The following KCNK12 variants were observed in gnomAD, a reference collection of about 807,000 sequenced individuals.
KCNK12 encodes potassium two pore domain channel subfamily K member 12.
Under a neutral mutation model 25.3 loss-of-function variants are expected in KCNK12, and 6 were observed. The ratio of observed to expected loss-of-function variants is 0.24; its 90% CI spans 0.13 to 0.47. The LOEUF (loss-of-function observed/expected upper bound fraction) is 0.47. KCNK12 is among the 20% of genes least tolerant of loss of function. The probability of loss-of-function intolerance (pLI) is 0.99; values close to 1 mark genes in which losing one functional copy is unlikely to be tolerated. For synonymous variants in KCNK12, 331 were observed against 311.1 expected (o/e 1.06, Z -0.67); for missense variants, 444 against 661.7 (o/e 0.67, Z 3.61).
intron 1 of KCNK12, chr2:47,563,743 T>G (rs1669732890): frequency 4.3e-6 from 1 of 232,888 alleles, no homozygotes; most frequent in South Asian, 1.8e-4. Flanking sequence ...GTTGACAAAA[T>G]GGTCTACATG....
intron 1 of KCNK12, among the ~76,000 whole-genome samples, chr2:47,530,182 G>T (rs1182340018): frequency 6.6e-6 from 1 of 152,228 alleles, no homozygotes; most frequent in Admixed American, 6.5e-5. Context: ...TCTCCTAACA[G>T]GGAGGAGTGG....
chr2:47,537,325 T>C (rs1257918286), intron 1 of KCNK12, among the ~76,000 whole-genome samples: 2 of 148,822 alleles, frequency 1.3e-5, no homozygotes. Flanking sequence ...TGAAAATGGG[T>C]GATTTTCTTT....
In KCNK12 at chr2:47,512,167, C is replaced by T. The variant is rs1668417750; in HGVS notation, c.*8740G>A. ...TCCAGATGGCTGGTCCTGCTCCTCC[C>T]AGTCCATGGAGAAAAAAGAATTGAA... On this transcript the variant is annotated 3_prime_UTR_variant, in exon 2 of 2. Transcript: ENST00000327876. 1.9e-6 allele frequency: 2 copies of T among 1,067,584 alleles called. No individual in the cohort carries two copies. The highest frequency in any genetic ancestry group is 3.2e-5 in the African/African-American group (2 of 62,442). The allele number at this position is 1,067,584 out of a possible 1,614,324, so 66.1% of individuals were successfully genotyped here. A position where few individuals can be genotyped will look rare whatever the true frequency, so the allele number is the denominator to read the frequency against.
intron 1 of KCNK12, among the ~76,000 whole-genome samples, chr2:47,545,193 T>G (rs535872644): frequency 6.6e-6 from 1 of 152,250 alleles, no homozygotes; most frequent in Non-Finnish European, 1.5e-5. Context: ...GAAGCCTGGA[T>G]GATGAAGGTG....
At position 47,512,663 on chromosome 2, in the gene KCNK12, C is replaced by T; in HGVS notation, c.*8244G>A. On this transcript the variant is annotated 3_prime_UTR_variant, in exon 2 of 2. Transcript: ENST00000327876. ...ATGGGATGATGTGCCCTTGTACACCCACTGCCTCTGAACTCTGCTCTGCAT... is the reference window on the plus strand; with the variant it reads ...ATGGGATGATGTGCCCTTGTACACCTACTGCCTCTGAACTCTGCTCTGCAT... The T allele has an allele frequency of 1.9e-6, 1 of 514,784 alleles. No individual in the cohort carries two copies. Among genetic ancestry groups the T allele is most frequent in the Non-Finnish European group, 3.4e-6 (1 of 290,908 alleles). 31.9% of individuals were successfully genotyped at this position (514,784 alleles called of 1,614,324 possible).
rs1668629424 is a variant in KCNK12 at position 47,520,587 on chromosome 2, G to T, written c.*320C>A. Reference sequence around the variant, plus strand: ...GGCTGCTTCTGTGCATGGGGACGGGGTTTAGTGCCAGTCTGCAAAACCCTC... The same window carrying T: ...GGCTGCTTCTGTGCATGGGGACGGGTTTTAGTGCCAGTCTGCAAAACCCTC... On this transcript the variant is annotated 3_prime_UTR_variant, in exon 2 of 2. Transcript: ENST00000327876. The surrounding 1 kb of genome is among the most constrained non-coding windows in gnomAD (Gnocchi z 5.0). 1.1e-5 allele frequency: 3 copies of T among 261,426 alleles called. No individual in the cohort carries two copies. Among genetic ancestry groups the T allele is most frequent in the Non-Finnish European group, 2.1e-5 (3 of 140,230 alleles). The allele number at this position is 261,426 out of a possible 1,614,324, so 16.2% of individuals were successfully genotyped here.
At position 47,561,169 on chromosome 2, in the gene KCNK12, G is replaced by A. The variant is rs534079283; in HGVS notation, c.391+8772C>T. Among the ~76,000 whole-genome samples the A allele has an allele frequency of 2.0e-5, 3 of 152,256 alleles. No homozygotes were observed. The South Asian group carries it at 6.2e-4, about 32-fold the overall frequency. ...TCCTCCTCAGCCTAAGCACTGCCAAGAGGCCTCAGCACACCTGGAAACAAG... is the reference window on the plus strand; with the variant it reads ...TCCTCCTCAGCCTAAGCACTGCCAAAAGGCCTCAGCACACCTGGAAACAAG... On this transcript the variant is annotated intron_variant, in intron 1 of 1. Transcript: ENST00000327876.
At chr2:47,563,604 G>C in intron 1 of KCNK12, 1 of 233,000 alleles carries the variant, frequency 4.3e-6, no homozygotes, top group East Asian at 6.1e-5. Flanking sequence ...ATGCTCTAGG[G>C]CTCTTCAGAG....
chr2:47,526,711 C>T (rs1341504477), intron 1 of KCNK12, among the ~76,000 whole-genome samples: 2 of 152,056 alleles, frequency 1.3e-5, no homozygotes, highest in Non-Finnish European at 2.9e-5. Flanking sequence ...CCAGCCTGGG[C>T]GACAGAGCGA....
chr2:47,561,303 C>G (rs961207148), intron 1 of KCNK12, among the ~76,000 whole-genome samples: 19 of 152,186 alleles, frequency 1.2e-4, no homozygotes, highest in African/African-American at 4.3e-4. Flanking sequence ...ATTCAGTTAT[C>G]CACCAATTAC....
chr2:47,536,398 T>C (rs1268844231), intron 1 of KCNK12, among the ~76,000 whole-genome samples: 1 of 152,192 alleles, frequency 6.6e-6, no homozygotes, highest in Non-Finnish European at 1.5e-5. Context: ...CTTGCCACCC[T>C]CCAGAATGCA....
intron 1 of KCNK12, among the ~76,000 whole-genome samples, chr2:47,553,804 T>G (rs996742713): frequency 1.3e-5 from 2 of 152,196 alleles, no homozygotes; most frequent in Admixed American, 1.3e-4. Context: ...TCATTGTTCC[T>G]TAACTTGCTT....
At chr2:47,534,515 A>ACC (rs34901455) in intron 1 of KCNK12, among the ~76,000 whole-genome samples, 1,104 of 48,142 alleles carry the variant, frequency 0.023, 45 homozygotes, top group African/African-American at 0.05. Flanking sequence ...GCCCCTTCTA[A>ACC]CCCCCCCCCC....
intron 1 of KCNK12, 64 bp from the exon 2 acceptor site, chr2:47,521,872 T>C: frequency 4.5e-6 from 1 of 224,478 alleles, no homozygotes; most frequent in Non-Finnish European, 6.9e-6. Context: ...TGGGCGAGGG[T>C]GGGGGGTGTG....
At chr2:47,531,440 T>A (rs1399212478) in intron 1 of KCNK12, among the ~76,000 whole-genome samples, 2 of 151,342 alleles carry the variant, frequency 1.3e-5, no homozygotes, top group Non-Finnish European at 2.9e-5. Context: ...ACCCTTGCAC[T>A]CCAGCCTGGG....
chr2:47,541,977 G>A (rs1412331459), intron 1 of KCNK12, among the ~76,000 whole-genome samples: 1 of 152,212 alleles, frequency 6.6e-6, no homozygotes, highest in Non-Finnish European at 1.5e-5. Flanking sequence ...TCTGTTTTCT[G>A]TAGCAGCAGC....
chr2:47,527,529 C>A lies in KCNK12; in HGVS notation c.392-5721G>T, dbSNP rs77536220. The A allele has an allele frequency of 6.9e-3, 1,048 of 152,506 alleles. 5 individuals carry two copies. The highest frequency in any genetic ancestry group is 9.9e-3 in the African/African-American group (411 of 41,580). The allele number at this position is 152,506 out of a possible 1,614,324, so 9.4% of individuals were successfully genotyped here. A position where few individuals can be genotyped will look rare whatever the true frequency, so the allele number is the denominator to read the frequency against. On this transcript the variant is annotated intron_variant, in intron 1 of 1. Transcript: ENST00000327876. Reference sequence around the variant, plus strand: ...TGGGGTACTCATTGGCCTCTTGAGGCCCCCCACAGGCCTGCCCTGCCTGAC... The same window carrying A: ...TGGGGTACTCATTGGCCTCTTGAGGACCCCCACAGGCCTGCCCTGCCTGAC...
intron 1 of KCNK12, among the ~76,000 whole-genome samples, chr2:47,550,619 G>A (rs1187636175): frequency 1.3e-5 from 2 of 151,998 alleles, no homozygotes; most frequent in Non-Finnish European, 2.9e-5. Context: ...CTGACCTCAA[G>A]TGACCCACCC....
In KCNK12 at chr2:47,565,698, A is replaced by C. The variant is rs1186529583; in HGVS notation, c.391+4243T>G. The C allele has an allele frequency of 6.6e-6, 1 of 152,256 alleles. No homozygotes were observed. The highest frequency in any genetic ancestry group is 1.5e-5 in the Non-Finnish European group (1 of 68,050). The allele number at this position is 152,256 out of a possible 1,614,324, so 9.4% of individuals were successfully genotyped here. A position where few individuals can be genotyped will look rare whatever the true frequency, so the allele number is the denominator to read the frequency against. On this transcript the variant is annotated intron_variant, in intron 1 of 1. Transcript: ENST00000327876. The surrounding 1 kb of genome is among the most constrained non-coding windows in gnomAD (Gnocchi z 5.0). ...GGAGAGTTTCCATTTAATCTTTTCA[A>C]AGTTAACTGATAAACATCCTTTAGG...
Sources: allele counts gnomAD v4.1 joint callset (sites outside exome capture counted in the v4.1 genomes callset), GRCh38; gene constraint gnomAD v4.1.1; non-coding constraint Gnocchi (gnomAD v3.1); transcripts MANE v1.5; gene names NCBI Gene and HGNC (gene_info 2026-07-23, HGNC 2026-07-21).